KATNIP: variants seen among roughly 807,000 people sequenced by gnomAD.
The protein encoded by KATNIP is katanin-interacting protein.
A neutral mutation model predicts 174.0 loss-of-function variants in KATNIP; 126 were observed. The observed-to-expected ratio is 0.72, with a 90% CI of 0.63 to 0.84. The LOEUF (loss-of-function observed/expected upper bound fraction) is 0.84, where lower values mean the gene tolerates loss of function less well. Among genes scored for constraint, KATNIP ranks in the 40% least tolerant of loss-of-function variants. The probability of loss-of-function intolerance (pLI) is 0.00; values close to 1 mark genes in which losing one functional copy is unlikely to be tolerated. For missense variants in KATNIP, 1,958 were observed against 2,109.7 expected (o/e 0.93, Z 1.41); for synonymous variants, 810 against 835.7 (o/e 0.97, Z 0.53).
At chr16:27,663,192 C>T (rs1383947095) in intron 6 of KATNIP, among the ~76,000 whole-genome samples, 1 of 107,112 alleles carries the variant, frequency 9.3e-6, no homozygotes, top group Non-Finnish European at 1.7e-5. Flanking sequence ...GAGAAGATGT[C>T]TCACCATGTT....
At chr16:27,648,821 C>T (rs2077039460) in intron 6 of KATNIP, 86 bp downstream of exon 6, 15 of 1,441,328 alleles carry the variant, frequency 1.0e-5, no homozygotes, top group Non-Finnish European at 1.3e-5. Flanking sequence ...CACTTTCTGA[C>T]AGTTATTTAT....
At chr16:27,571,657 G>A (rs1302941401) in intron 1 of KATNIP, among the ~76,000 whole-genome samples, 2 of 151,576 alleles carry the variant, frequency 1.3e-5, no homozygotes, top group African/African-American at 4.9e-5. Flanking sequence ...GTGGGGCCCT[G>A]CAGGGCCCTG....
chr16:27,742,912 TA>T (rs1165618819), intron 15 of KATNIP, among the ~76,000 whole-genome samples: 1 of 152,096 alleles, frequency 6.6e-6, no homozygotes, highest in African/African-American at 2.4e-5. Context: ...GTTACATAGG[TA>T]AATGTGTGCC....
intron 6 of KATNIP, among the ~76,000 whole-genome samples, chr16:27,650,131 C>T (rs948282742): frequency 1.3e-5 from 2 of 151,884 alleles, no homozygotes; most frequent in South Asian, 4.2e-4. Context: ...CAAGACTGCA[C>T]CACTGCATTC....
rs144695233 is a variant in KATNIP at position 27,655,541 on chromosome 16, C to T, written c.540+6806C>T. Among the ~76,000 whole-genome samples the T allele has an allele frequency of 1.4e-4, 21 of 152,008 alleles. No homozygotes were observed. The East Asian group carries it at 3.7e-3, about 27-fold the overall frequency. On this transcript the variant is annotated intron_variant, in intron 6 of 27. Coordinates refer to ENST00000261588, the MANE Select transcript of KATNIP (RefSeq NM_015202.5). Reference sequence around the variant, plus strand: ...CTGGGATTACAGGCATGAGCCGCTGCGCCTGGCCAGAAGATGTAAAACAAT... The same window carrying T: ...CTGGGATTACAGGCATGAGCCGCTGTGCCTGGCCAGAAGATGTAAAACAAT...
chr16:27,573,681 A>T (rs1304263618), intron 1 of KATNIP, among the ~76,000 whole-genome samples: 1 of 152,244 alleles, frequency 6.6e-6, no homozygotes, highest in Non-Finnish European at 1.5e-5. Context: ...TTTGTTCATT[A>T]TAGTCAAATA....
At chr16:27,574,237 T>G (rs1226854789) in intron 2 of KATNIP, 8 of 420,158 alleles carry the variant, frequency 1.9e-5, no homozygotes, top group Non-Finnish European at 2.6e-5. Context: ...ACAACAACCA[T>G]ATATTTAGTT....
At chr16:27,756,579 G>C (rs571820786) in intron 18 of KATNIP, among the ~76,000 whole-genome samples, 1 of 152,212 alleles carries the variant, frequency 6.6e-6, no homozygotes, top group Non-Finnish European at 1.5e-5. Context: ...TTGCCACTGG[G>C]AGAGCACCTC....
chr16:27,778,622 G>A lies in KATNIP; in HGVS notation c.4850G>A (p.Arg1617His), dbSNP rs762795797. 1.2e-5 allele frequency: 20 copies of A among 1,613,472 alleles called. No homozygotes were observed. The Middle Eastern group carries it at 1.3e-3, about 106-fold the overall frequency. Residue 1617 changes from arginine to histidine, a missense_variant, in exon 28 of 28, where the codon CGC becomes CAC. Arg to His is a conservative substitution (Grantham distance 29). Transcript: ENST00000261588. ...AGCGAGAAGGAGACGAGACGACGGC[G>A]CTGCTGACTGGTGAAGGAGGGAGAG... ...CISEKETRRR[R>H]C
At chr16:27,588,368 T>A in intron 2 of KATNIP, among the ~76,000 whole-genome samples, 1 of 152,278 alleles carries the variant, frequency 6.6e-6, no homozygotes, top group South Asian at 2.1e-4. Flanking sequence ...ATATATAAAA[T>A]CAGTTATTCA....
At chr16:27,753,003 T>C (rs1489856531) in intron 17 of KATNIP, among the ~76,000 whole-genome samples, 3 of 151,926 alleles carry the variant, frequency 2.0e-5, no homozygotes, top group African/African-American at 7.3e-5. Flanking sequence ...GGGAAGGTCA[T>C]GACTGAGGCA....
chr16:27,654,176 A>G (rs1036626270), intron 6 of KATNIP, among the ~76,000 whole-genome samples: 1 of 152,102 alleles, frequency 6.6e-6, no homozygotes, highest in African/African-American at 2.4e-5. Flanking sequence ...GGATTTCACC[A>G]TGTTGGCCAG....
intron 18 of KATNIP, among the ~76,000 whole-genome samples, chr16:27,757,263 C>T (rs571458098): frequency 6.6e-6 from 1 of 152,214 alleles, no homozygotes; most frequent in African/African-American, 2.4e-5. Flanking sequence ...ATATGTCCAT[C>T]CTTAAGTCAG....
chr16:27,768,544 A>G (rs1391559171), intron 20 of KATNIP, among the ~76,000 whole-genome samples: 1 of 152,180 alleles, frequency 6.6e-6, no homozygotes, highest in African/African-American at 2.4e-5. Flanking sequence ...CAAGCCCAGC[A>G]GAAGAGAAAG....
chr16:27,683,863 T>G (rs2078432942), intron 8 of KATNIP, among the ~76,000 whole-genome samples: 1 of 152,174 alleles, frequency 6.6e-6, no homozygotes, highest in African/African-American at 2.4e-5. Context: ...TCTATCCTGC[T>G]GGTACTGTCT....
intron 5 of KATNIP, among the ~76,000 whole-genome samples, chr16:27,641,362 A>G (rs995783519): frequency 6.6e-6 from 1 of 152,104 alleles, no homozygotes; most frequent in African/African-American, 2.4e-5. Flanking sequence ...AGCCACCAGC[A>G]GCTGCCCACT....
At chr16:27,723,910 G>A (rs1215602860) in intron 14 of KATNIP, among the ~76,000 whole-genome samples, 2 of 152,144 alleles carry the variant, frequency 1.3e-5, no homozygotes, top group East Asian at 3.9e-4. Flanking sequence ...GTGAGCACCT[G>A]TCAGTTGCGA....
chr16:27,643,231 G>A (rs1273384019), intron 5 of KATNIP: 1 of 152,162 alleles, frequency 6.6e-6, no homozygotes, highest in Admixed American at 6.5e-5. Context: ...CAACTTCCTC[G>A]CTGTGTGGCC....
chr16:27,721,886 C>T (rs2143019317), intron 14 of KATNIP, among the ~76,000 whole-genome samples, 191 bp downstream of exon 14: 1 of 152,260 alleles, frequency 6.6e-6, no homozygotes, highest in Non-Finnish European at 1.5e-5. Context: ...CTTCCGGCTG[C>T]TGGTGTTGGG....
Sources: allele counts gnomAD v4.1 joint callset (sites outside exome capture counted in the v4.1 genomes callset), GRCh38; gene constraint gnomAD v4.1.1; transcripts MANE v1.5; gene names NCBI Gene and HGNC (gene_info 2026-07-23, HGNC 2026-07-21).